The following CCDC150 variants were observed in gnomAD, a reference collection of about 807,000 sequenced individuals.
CCDC150 encodes the protein coiled-coil domain containing 150, also known as coiled-coil domain-containing protein 150.
CCDC150 carries 151 observed loss-of-function variants against 156.5 expected under a neutral mutation model. The ratio of observed to expected loss-of-function variants is 0.97; its 90% CI spans 0.85 to 1.10. The LOEUF (loss-of-function observed/expected upper bound fraction) is 1.10. CCDC150 is among the 50% of genes least tolerant of loss of function. The probability of loss-of-function intolerance (pLI) is 0.00; values close to 1 mark genes in which losing one functional copy is unlikely to be tolerated. For synonymous variants in CCDC150, 452 were observed against 429.4 expected, an observed-to-expected ratio of 1.05 and a Z score of -0.65; for missense variants, 1,312 against 1,268.1, an observed-to-expected ratio of 1.03 and a Z score of -0.53.
intron 14 of CCDC150, among the ~76,000 whole-genome samples, chr2:196,696,840 G>A (rs1438511950): frequency 6.6e-6 from 1 of 152,270 alleles, no homozygotes; most frequent in South Asian, 2.1e-4. Context: ...AGTACCATCT[G>A]GTCTAACCCA....
intron 25 of CCDC150, among the ~76,000 whole-genome samples, 163 bp downstream of exon 25, chr2:196,730,281 G>T (rs1698453274): frequency 6.6e-6 from 1 of 152,230 alleles, no homozygotes; most frequent in African/African-American, 2.4e-5. Flanking sequence ...CTAGGAAGAA[G>T]GCTGTAGTTT....
chr2:196,676,446 G>A (rs1357198495), intron 11 of CCDC150, 108 bp from the exon 12 acceptor site: 39 of 1,302,048 alleles, frequency 3.0e-5, no homozygotes, highest in Non-Finnish European at 4.1e-5. Context: ...GAACATTTTG[G>A]TAACTACTCT....
At chr2:196,725,050 G>T (rs993002243) in intron 21 of CCDC150, among the ~76,000 whole-genome samples, 4 of 152,158 alleles carry the variant, frequency 2.6e-5, no homozygotes, top group African/African-American at 9.7e-5. Context: ...ACTGAATGCT[G>T]CCAAGTGGAG....
intron 19 of CCDC150, 146 bp downstream of exon 19, chr2:196,719,812 G>C: frequency 3.8e-6 from 2 of 525,080 alleles, no homozygotes; most frequent in Non-Finnish European, 6.3e-6. Flanking sequence ...TCCTAAGTTA[G>C]AGAAAATTTA....
chr2:196,719,808 G>A (rs561532332), intron 19 of CCDC150, 142 bp downstream of exon 19: 82 of 527,634 alleles, frequency 1.6e-4, no homozygotes, highest in Middle Eastern at 3.7e-4. Context: ...GAATTCCTAA[G>A]TTAGAGAAAA....
At chr2:196,645,290 A>G (rs979846436) in intron 1 of CCDC150, among the ~76,000 whole-genome samples, 3 of 152,106 alleles carry the variant, frequency 2.0e-5, no homozygotes, top group Admixed American at 2.0e-4. Context: ...CACTTCATGA[A>G]TTCTTGCCCT....
At chr2:196,658,655 C>G (rs1693369008) in intron 4 of CCDC150, 137 bp from the exon 5 acceptor site, 1 of 582,828 alleles carries the variant, frequency 1.7e-6, no homozygotes. Context: ...AGACTTATAA[C>G]AAGGAGTATT....
At chr2:196,702,342 G>GTTGTGTGT (rs1293927560) in intron 15 of CCDC150, among the ~76,000 whole-genome samples, 1 of 51,276 alleles carries the variant, frequency 2.0e-5, no homozygotes, top group Admixed American at 2.7e-4. Context: ...TGACTGAAGT[G>GTTGTGTGT]CTGTGTGTGT....
At chr2:196,660,620 A>G (rs1449245374) in intron 5 of CCDC150, among the ~76,000 whole-genome samples, 3 of 152,180 alleles carry the variant, frequency 2.0e-5, no homozygotes, top group African/African-American at 7.2e-5. Flanking sequence ...TTGGTGAGTT[A>G]TCTGTTAGAC....
intron 2 of CCDC150, among the ~76,000 whole-genome samples, chr2:196,648,665 C>T (rs1692686310): frequency 6.6e-6 from 1 of 152,042 alleles, no homozygotes; most frequent in African/African-American, 2.4e-5. Context: ...TCTATTTTTG[C>T]TTTTGTTGCC....
At chr2:196,666,879 T>C (rs763924917) in intron 7 of CCDC150, 31 bp downstream of exon 7, 1 of 1,612,542 alleles carries the variant, frequency 6.2e-7, no homozygotes, top group South Asian at 1.1e-5. Context: ...AATCACCCTC[T>C]TGTTAGTTTT....
intron 12 of CCDC150, 26 bp downstream of exon 12, chr2:196,676,757 C>G: frequency 6.4e-7 from 1 of 1,572,868 alleles, no homozygotes; most frequent in South Asian, 1.1e-5. Context: ...TTTACATTAT[C>G]TTCTCATTGT....
intron 15 of CCDC150, among the ~76,000 whole-genome samples, chr2:196,710,867 T>G (rs1252571774): frequency 8.2e-6 from 1 of 121,514 alleles, no homozygotes; most frequent in Non-Finnish European, 1.7e-5. Flanking sequence ...TTAACGGTAG[T>G]TTTTTTTTTT....
At chr2:196,669,403 TG>T (rs1290679208) in intron 7 of CCDC150, among the ~76,000 whole-genome samples, 1 of 152,324 alleles carries the variant, frequency 6.6e-6, no homozygotes, top group East Asian at 1.9e-4. Context: ...AGTCCAAAAG[TG>T]CTCTCTGTTT....
In CCDC150 at chr2:196,645,972, A is replaced by G. The variant is rs577755507; in HGVS notation, c.13-369A>G. Among the ~76,000 whole-genome samples, 5 of 152,354 alleles carry G rather than the reference A, an allele frequency of 3.3e-5. No individual in the cohort carries two copies. In the East Asian group the frequency reaches 9.6e-4, roughly 29 times the overall value. ...GGCAAATAGAATAGACTAAATTATG[A>G]TGAAATAAAGTACTCAACAATCTTA... On this transcript the variant is annotated intron_variant, in intron 1 of 27. Transcript: ENST00000389175.
At chr2:196,705,984 A>G (rs1016198887) in intron 15 of CCDC150, among the ~76,000 whole-genome samples, 1 of 152,190 alleles carries the variant, frequency 6.6e-6, no homozygotes, top group Admixed American at 6.5e-5. Context: ...GTCAGGTAGC[A>G]TGATGCCTCC....
intron 7 of CCDC150, 69 bp downstream of exon 7, chr2:196,666,917 A>G: frequency 7.0e-6 from 11 of 1,562,120 alleles, no homozygotes; most frequent in Non-Finnish European, 9.7e-6. Context: ...AACTCTTAAG[A>G]TCCCAAATTC....
At chr2:196,692,254 C>T (rs948633384) in intron 13 of CCDC150, among the ~76,000 whole-genome samples, 18 of 150,810 alleles carry the variant, frequency 1.2e-4, no homozygotes, top group African/African-American at 3.9e-4. Context: ...CCTGCCTCAG[C>T]CTCCCCAGTA....
chr2:196,720,350 T>G (rs949974819), intron 19 of CCDC150: 1 of 499,240 alleles, frequency 2.0e-6, no homozygotes, highest in East Asian at 3.6e-5. Context: ...AAAAATACTA[T>G]TCACAATAAA....
Sources: gnomAD v4.1 joint callset for allele counts (sites outside exome capture counted in the v4.1 genomes callset) on GRCh38, gnomAD v4.1.1 for gene constraint, MANE v1.5 for transcripts, NCBI Gene and HGNC (gene_info 2026-07-23, HGNC 2026-07-21) for gene names.